The following CEP128 variants were observed in gnomAD, a reference collection of about 807,000 sequenced individuals.
CEP128 encodes centrosomal protein 128kDa.
A neutral mutation model predicts 156.7 loss-of-function variants in CEP128; 132 were observed. That is an observed-to-expected ratio of 0.84 (90% CI 0.73 to 0.97). CEP128 has a LOEUF of 0.97. Ranked by LOEUF, CEP128 falls within the 50% of genes least tolerant of loss-of-function variation. The pLI is 0.00. For missense variants in CEP128, 1,252 were observed against 1,281.9 expected (o/e 0.98, Z 0.36); for synonymous variants, 469 against 448.9 (o/e 1.04, Z -0.57).
intron 19 of CEP128, among the ~76,000 whole-genome samples, chr14:80,648,843 TG>T: frequency 6.6e-6 from 1 of 152,096 alleles, no homozygotes; most frequent in African/African-American, 2.4e-5. Context: ...ATAATTTTTG[TG>T]GGGAAAAAAG....
intron 13 of CEP128, among the ~76,000 whole-genome samples, chr14:80,805,152 ATAACCTAGATAAATCTAGGAGATT>A (rs558989514): frequency 3.5e-4 from 54 of 152,124 alleles, no homozygotes; most frequent in Middle Eastern, 3.4e-3. Context: ...CCAAACCTTG[ATAACCTAGATAAATCTAGGAGATT>A]TAACCTAGAT....
intron 8 of CEP128, among the ~76,000 whole-genome samples, chr14:80,874,105 T>C (rs1888161398): frequency 6.6e-6 from 1 of 152,154 alleles, no homozygotes; most frequent in East Asian, 1.9e-4. Context: ...GATGTATATC[T>C]ATATAGCAAG....
At chr14:80,941,285 A>G (rs1010699522) in intron 1 of CEP128, among the ~76,000 whole-genome samples, 9 of 152,198 alleles carry the variant, frequency 5.9e-5, no homozygotes, top group African/African-American at 2.2e-4. Context: ...AAAGCTTCAC[A>G]GATGCTAGCG....
intron 21 of CEP128, among the ~76,000 whole-genome samples, chr14:80,531,812 T>C (rs1441611433): frequency 6.6e-6 from 1 of 152,178 alleles, no homozygotes; most frequent in Non-Finnish European, 1.5e-5. Context: ...CAATATTCCA[T>C]GTGCTTCCCT....
intron 13 of CEP128, among the ~76,000 whole-genome samples, chr14:80,820,308 T>C (rs1470005847): frequency 6.6e-6 from 1 of 152,358 alleles, no homozygotes; most frequent in East Asian, 1.9e-4. Flanking sequence ...GATTGAATGC[T>C]AGACACTGTA....
At chr14:80,807,869 T>C (rs1884271933) in intron 13 of CEP128, among the ~76,000 whole-genome samples, 1 of 152,034 alleles carries the variant, frequency 6.6e-6, no homozygotes, top group African/African-American at 2.4e-5. Flanking sequence ...CCCACGGACA[T>C]CTCCCTGTGT....
intron 13 of CEP128, among the ~76,000 whole-genome samples, chr14:80,817,921 G>C (rs1475887583): frequency 6.6e-6 from 1 of 151,666 alleles, no homozygotes; most frequent in African/African-American, 2.4e-5. Context: ...AGTGAAATTT[G>C]AGTTGGCAGA....
chr14:80,775,917 T>C (rs1900764080), intron 16 of CEP128, among the ~76,000 whole-genome samples: 1 of 152,162 alleles, frequency 6.6e-6, no homozygotes, highest in African/African-American at 2.4e-5. Context: ...GCTGCGACTT[T>C]CCGCCCCCCG....
chr14:80,694,318 C>A (rs769254138), intron 19 of CEP128, among the ~76,000 whole-genome samples: 5 of 152,154 alleles, frequency 3.3e-5, no homozygotes, highest in Non-Finnish European at 7.4e-5. Flanking sequence ...TAAATTAGTT[C>A]AACCTTTGTG....
intron 19 of CEP128, among the ~76,000 whole-genome samples, chr14:80,641,242 A>T (rs1040169970): frequency 1.3e-5 from 2 of 152,220 alleles, no homozygotes; most frequent in African/African-American, 4.8e-5. Context: ...TTTTAGGTGG[A>T]TGCCTCCTCA....
intron 19 of CEP128, among the ~76,000 whole-genome samples, chr14:80,713,665 T>C (rs1484709728): frequency 6.6e-6 from 1 of 152,194 alleles, no homozygotes; most frequent in Non-Finnish European, 1.5e-5. Flanking sequence ...TTCTTTAATC[T>C]CCCCTGTTTT....
At chr14:80,570,991 T>C (rs1408833316) in intron 20 of CEP128, among the ~76,000 whole-genome samples, 1 of 152,230 alleles carries the variant, frequency 6.6e-6, no homozygotes, top group Non-Finnish European at 1.5e-5. Flanking sequence ...TATTATATTG[T>C]TGCCATATGT....
intron 8 of CEP128, among the ~76,000 whole-genome samples, chr14:80,894,107 C>A (rs1889232793): frequency 6.6e-6 from 1 of 151,698 alleles, no homozygotes; most frequent in African/African-American, 2.4e-5. Flanking sequence ...GGAATGACTT[C>A]TTAGGTCAAA....
intron 21 of CEP128, among the ~76,000 whole-genome samples, chr14:80,545,152 T>C (rs1242220923): frequency 6.6e-6 from 1 of 152,182 alleles, no homozygotes; most frequent in Admixed American, 6.5e-5. Flanking sequence ...TGGAGTCTGA[T>C]AGGACTTCAA....
At chr14:80,858,208 A>G (rs560630485) in intron 9 of CEP128, among the ~76,000 whole-genome samples, 110 of 146,948 alleles carry the variant, frequency 7.5e-4, no homozygotes, top group African/African-American at 2.6e-3. Flanking sequence ...ATATAGATCA[A>G]TGGAACAGAA....
At chr14:80,904,979 G>A (rs201105206) in intron 5 of CEP128, 48 bp from the exon 6 acceptor site, 6 of 1,074,808 alleles carry the variant, frequency 5.6e-6, no homozygotes, top group Admixed American at 5.1e-5. Flanking sequence ...TGCATGAGAA[G>A]AGACAATCTA....
At chr14:80,811,132 G>A (rs1474078472) in intron 13 of CEP128, among the ~76,000 whole-genome samples, 1 of 152,064 alleles carries the variant, frequency 6.6e-6, no homozygotes, top group East Asian at 1.9e-4. Context: ...TCCTTTTTAT[G>A]GCTGCATCAT....
At chr14:80,652,197 C>T (rs1894937503) in intron 19 of CEP128, among the ~76,000 whole-genome samples, 1 of 151,838 alleles carries the variant, frequency 6.6e-6, no homozygotes, top group Non-Finnish European at 1.5e-5. Flanking sequence ...TTAAATCAGG[C>T]TGGATTAAAG....
At chr14:80,609,636 A>G (rs935169737) in intron 19 of CEP128, among the ~76,000 whole-genome samples, 1 of 152,066 alleles carries the variant, frequency 6.6e-6, no homozygotes, top group African/African-American at 2.4e-5. Flanking sequence ...TGGAAATAAA[A>G]CCCATGTCAT....
Sources: gnomAD v4.1 joint callset for allele counts (sites outside exome capture counted in the v4.1 genomes callset) on GRCh38, gnomAD v4.1.1 for gene constraint, MANE v1.5 for transcripts, NCBI Gene and HGNC (gene_info 2026-07-23, HGNC 2026-07-21) for gene names.